The following GPR146 variants were observed in gnomAD, a reference collection of about 807,000 sequenced individuals.
The protein encoded by GPR146 is G protein-coupled receptor 146.
For missense variants in GPR146, 381 were observed against 213.9 expected, an observed-to-expected ratio of 1.78 and a Z score of -4.87; for synonymous variants, 203 against 104.3, an observed-to-expected ratio of 1.95 and a Z score of -5.77.
chr7:1,049,952 C>T (rs1213088430), intron 1 of GPR146, among the ~76,000 whole-genome samples: 1 of 152,202 alleles, frequency 6.6e-6, no homozygotes, highest in Admixed American at 6.5e-5. Context: ...GCAGCCACCC[C>T]ACCCCACCCC....
rs781482978 is a variant in GPR146, at chr7:1,058,562, G to A, written c.*45G>A. ...GAGACGTGACTCTGGTGGACGCAGA[G>A]CACTTAGTTACCCTGGACGCTCCCC... On this transcript the variant is annotated 3_prime_UTR_variant, in exon 2 of 2. Coordinates refer to ENST00000444847, the MANE Select transcript of GPR146 (RefSeq NM_001303473.2). The A allele has an allele frequency of 5.4e-6, 4 of 739,208 alleles. No homozygotes were observed. The highest frequency in any genetic ancestry group is 2.9e-5 in the South Asian group (2 of 68,092). 45.8% of individuals were successfully genotyped at this position (739,208 alleles called of 1,614,324 possible).
At chr7:1,048,541 G>A (rs1190629392) in intron 1 of GPR146, among the ~76,000 whole-genome samples, 1 of 152,136 alleles carries the variant, frequency 6.6e-6, no homozygotes, top group African/African-American at 2.4e-5. Context: ...CTTCTGAACA[G>A]GCCTGGGGCA....
rs1784107909 is a variant in GPR146, at chr7:1,058,390, C to T, written c.875C>T (p.Thr292Ile). Residue 292 changes from threonine to isoleucine, a missense_variant, in exon 2 of 2, where the codon ACA becomes ATA. Thr to Ile is a moderately conservative substitution (Grantham distance 89, BLOSUM62 -1). Coordinates refer to ENST00000444847, the MANE Select transcript of GPR146 (RefSeq NM_001303473.2). The part of the protein sequence containing the change: ...KLLAFSSSFV[T>I]PLLYRYMNQS... ...CTGGCCTTCTCCAGCAGCTTTGTGA[C>T]ACCACTTCTCTACCGCTACATGAAC... 5.1e-6 allele frequency: 4 copies of T among 780,570 alleles called. No individual in the cohort carries two copies. The highest frequency in any genetic ancestry group is 1.7e-5 in the Admixed American group (1 of 59,026). 48.4% of individuals were successfully genotyped at this position (780,570 alleles called of 1,614,324 possible).
At chr7:1,047,206 C>T (rs997886709) in intron 1 of GPR146, among the ~76,000 whole-genome samples, 6 of 152,230 alleles carry the variant, frequency 3.9e-5, no homozygotes, top group Non-Finnish European at 8.8e-5. Context: ...GCACAGGTGC[C>T]CAGCCCGCTC....
rs755312759 is a variant in GPR146, at chr7:1,057,478, C to G, written c.-24-14C>G. 8.3e-6 allele frequency: 6 copies of G among 726,864 alleles called. No individual in the cohort carries two copies. In the Admixed American group the frequency reaches 1.1e-4, roughly 13 times the overall value. 45.0% of individuals were successfully genotyped at this position (726,864 alleles called of 1,614,324 possible). On this transcript the variant is annotated splice_polypyrimidine_tract_variant and intron_variant, in intron 1 of 1. Coordinates refer to ENST00000444847, the MANE Select transcript of GPR146 (RefSeq NM_001303473.2). ...ACGGGACGCGAGCTGACCACCTGTTCCTTCTTTCCGCAGGGTCGCGGAGCC... is the reference window on the plus strand; with the variant it reads ...ACGGGACGCGAGCTGACCACCTGTTGCTTCTTTCCGCAGGGTCGCGGAGCC...
In GPR146 at chr7:1,053,041, C is replaced by T. The variant is rs371811026; in HGVS notation, c.-24-4451C>T. 9.1e-4 allele frequency among the ~76,000 whole-genome samples: 138 copies of T among 152,320 alleles called. 1 individual carries two copies. The highest frequency in any genetic ancestry group is 9.7e-4 in the Non-Finnish European group (66 of 68,026). On this transcript the variant is annotated intron_variant, in intron 1 of 1. Coordinates refer to ENST00000444847, the MANE Select transcript of GPR146 (RefSeq NM_001303473.2). ...GGAAGTCAGCAGAGTGCATGGCTGA[C>T]GGGAAAGAAGGCACAGCGGGCCTGC...
At chr7:1,054,726 G>A (rs1019588088) in intron 1 of GPR146, among the ~76,000 whole-genome samples, 3 of 152,204 alleles carry the variant, frequency 2.0e-5, no homozygotes, top group African/African-American at 7.2e-5. Context: ...ACCTGCAGGA[G>A]AGCCCTCGCA....
intron 1 of GPR146, among the ~76,000 whole-genome samples, chr7:1,053,510 G>A (rs575629526): frequency 2.6e-4 from 40 of 152,312 alleles, no homozygotes; most frequent in Middle Eastern, 3.4e-3. Context: ...TTCTGTGGGT[G>A]CCCCCTGCAG....
intron 1 of GPR146, chr7:1,056,260 G>C (rs1444838656): frequency 1.3e-5 from 2 of 152,928 alleles, no homozygotes; most frequent in African/African-American, 4.8e-5. Context: ...TGAGAAGCAG[G>C]GGCCAGGGAG....
At chr7:1,055,702 G>A (rs1466167292) in intron 1 of GPR146, among the ~76,000 whole-genome samples, 2 of 152,200 alleles carry the variant, frequency 1.3e-5, no homozygotes, top group Admixed American at 1.3e-4. Flanking sequence ...GCTCTGTGGG[G>A]TGAAGGTGGC....
At chr7:1,051,722 C>T (rs1783130690) in intron 1 of GPR146, among the ~76,000 whole-genome samples, 1 of 152,182 alleles carries the variant, frequency 6.6e-6, no homozygotes, top group African/African-American at 2.4e-5. Flanking sequence ...ACCTGTAATC[C>T]CAGCACTTTG....
intron 1 of GPR146, among the ~76,000 whole-genome samples, chr7:1,046,151 C>T (rs893940852): frequency 2.6e-5 from 4 of 152,178 alleles, no homozygotes; most frequent in African/African-American, 4.8e-5. Flanking sequence ...AATTTACAGT[C>T]GGAAGAGGGA....
chr7:1,054,444 G>A (rs545616539), intron 1 of GPR146, among the ~76,000 whole-genome samples: 60 of 152,356 alleles, frequency 3.9e-4, no homozygotes, highest in African/African-American at 1.2e-3. Flanking sequence ...CCTGGAGGCC[G>A]GCGTTCCCAG....
At chr7:1,055,391 C>A (rs1376580510) in intron 1 of GPR146, 2 of 470,314 alleles carry the variant, frequency 4.3e-6, no homozygotes, top group Non-Finnish European at 8.8e-6. Context: ...CAGGTCCTCA[C>A]CAGAGCTCTG....
chr7:1,055,109 A>G (rs566446705), intron 1 of GPR146, among the ~76,000 whole-genome samples: 198 of 152,282 alleles, frequency 1.3e-3, no homozygotes, highest in Middle Eastern at 3.4e-3. Flanking sequence ...CACGGCCTCC[A>G]TGAGCCAGGC....
At chr7:1,049,222 C>T (rs1026260318) in intron 1 of GPR146, among the ~76,000 whole-genome samples, 1 of 152,240 alleles carries the variant, frequency 6.6e-6, no homozygotes, top group African/African-American at 2.4e-5. Flanking sequence ...CACACGTGTC[C>T]GTTCACAAAG....
Position 1,057,478 on chromosome 7 carries a change from C to T in GPR146, c.-24-14C>T. 2 of 726,862 alleles carry T rather than the reference C, an allele frequency of 2.8e-6. No individual in the cohort carries two copies. Among genetic ancestry groups the T allele is most frequent in the Non-Finnish European group, 5.1e-6 (2 of 394,934 alleles). 45.0% of individuals were successfully genotyped at this position (726,862 alleles called of 1,614,324 possible). A position where few individuals can be genotyped will look rare whatever the true frequency, so the allele number is the denominator to read the frequency against. ...ACGGGACGCGAGCTGACCACCTGTT[C>T]CTTCTTTCCGCAGGGTCGCGGAGCC... is the stretch of plus-strand genomic sequence containing the variant. On this transcript the variant is annotated splice_polypyrimidine_tract_variant and intron_variant, in intron 1 of 1. Transcript: ENST00000444847.
Position 1,057,454 on chromosome 7 carries a change from C to T in GPR146, c.-24-38C>T, listed in dbSNP as rs775344360. 2.2e-4 allele frequency: 151 copies of T among 679,710 alleles called. 1 individual carries two copies. In the East Asian group the frequency reaches 2.9e-3, roughly 13 times the overall value. 42.1% of individuals were successfully genotyped at this position (679,710 alleles called of 1,614,324 possible). A position where few individuals can be genotyped will look rare whatever the true frequency, so the allele number is the denominator to read the frequency against. ...GCACTTCTGGGCCAGGGCTTTGGGA[C>T]GGGACGCGAGCTGACCACCTGTTCC... On this transcript the variant is annotated intron_variant, in intron 1 of 1. Coordinates refer to ENST00000444847, the MANE Select transcript of GPR146 (RefSeq NM_001303473.2).
intron 1 of GPR146, among the ~76,000 whole-genome samples, chr7:1,054,967 G>A (rs570730589): frequency 6.6e-6 from 1 of 152,262 alleles, no homozygotes; most frequent in African/African-American, 2.4e-5. Context: ...AAAAGGGTTC[G>A]TAACCAACAT....
Sources: allele counts gnomAD v4.1 joint callset (sites outside exome capture counted in the v4.1 genomes callset), GRCh38; gene constraint gnomAD v4.1.1; transcripts MANE v1.5; gene names NCBI Gene and HGNC (gene_info 2026-07-23, HGNC 2026-07-21).